Variants in DOCK3 observed in about 807,000 individuals in gnomAD.
The protein encoded by DOCK3 is dedicator of cytokinesis 3.
In DOCK3, 60 loss-of-function variants were observed where a neutral mutation model predicts 265.6. That is an observed-to-expected ratio of 0.23 (90% CI 0.18 to 0.28). DOCK3 has a LOEUF of 0.28. Among genes scored for constraint, DOCK3 ranks in the 10% least tolerant of loss-of-function variants. DOCK3 has a pLI of 1.00. For synonymous variants in DOCK3, 881 were observed against 938.0 expected, an observed-to-expected ratio of 0.94 and a Z score of 1.11; for missense variants, 1,981 against 2,594.3, an observed-to-expected ratio of 0.76 and a Z score of 5.14.
At chr3:51,171,772 C>A (rs2086695498) in intron 12 of DOCK3, among the ~76,000 whole-genome samples, 1 of 150,756 alleles carries the variant, frequency 6.6e-6, no homozygotes, top group Non-Finnish European at 1.5e-5. Context: ...ATTGCTGTAT[C>A]CCGGAAAATG....
intron 9 of DOCK3, among the ~76,000 whole-genome samples, chr3:51,105,984 T>C (rs751409397): frequency 1.2e-4 from 19 of 152,136 alleles, no homozygotes; most frequent in Non-Finnish European, 1.9e-4. Context: ...CAGACACTTA[T>C]GTTGACAGGG....
chr3:51,072,703 C>T (rs536978498), intron 6 of DOCK3, among the ~76,000 whole-genome samples: 2 of 152,038 alleles, frequency 1.3e-5, no homozygotes, highest in South Asian at 4.2e-4. Flanking sequence ...CCATGGCGCT[C>T]AGCTGAAAAC....
chr3:50,685,648 C>CA, intron 1 of DOCK3: 1 of 187,436 alleles, frequency 5.3e-6, no homozygotes, highest in South Asian at 1.3e-4. Flanking sequence ...CACTCTGACA[C>CA]AAAAACCCTG....
chr3:51,296,484 T>G (rs2082085221), intron 27 of DOCK3, among the ~76,000 whole-genome samples: 1 of 151,810 alleles, frequency 6.6e-6, no homozygotes, highest in East Asian at 1.9e-4. Flanking sequence ...AATTGGTTTT[T>G]TTTTTTTTTT....
intron 5 of DOCK3, among the ~76,000 whole-genome samples, chr3:51,016,959 A>T (rs1482852465): frequency 4.3e-4 from 8 of 18,582 alleles, no homozygotes; most frequent in South Asian, 2.0e-3. Flanking sequence ...TAATATATAT[A>T]TTATATATAT....
chr3:51,206,571 AAG>A (rs879720177), intron 12 of DOCK3, among the ~76,000 whole-genome samples: 4 of 152,262 alleles, frequency 2.6e-5, no homozygotes, highest in South Asian at 2.1e-4. Flanking sequence ...TTAAAAAAAA[AAG>A]AGAGAGACGG....
chr3:50,688,756 G>A (rs991991868), intron 1 of DOCK3, among the ~76,000 whole-genome samples: 7 of 152,178 alleles, frequency 4.6e-5, no homozygotes, highest in African/African-American at 1.2e-4. Flanking sequence ...GAGCCACCAT[G>A]CCTGGCCGGT....
At chr3:50,888,566 C>T (rs1353529147) in intron 3 of DOCK3, among the ~76,000 whole-genome samples, 11 of 151,564 alleles carry the variant, frequency 7.3e-5, no homozygotes, top group Non-Finnish European at 1.0e-4. Context: ...AATCCTAAGC[C>T]GAAAGAACAA....
chr3:50,778,927 T>A (rs931641554), intron 2 of DOCK3, among the ~76,000 whole-genome samples, 169 bp downstream of exon 2: 1 of 152,228 alleles, frequency 6.6e-6, no homozygotes, highest in Non-Finnish European at 1.5e-5. Context: ...CATAAAGGTA[T>A]GAGCTTTTTT....
intron 12 of DOCK3, among the ~76,000 whole-genome samples, chr3:51,189,381 C>G (rs2087804145): frequency 6.6e-6 from 1 of 151,996 alleles, no homozygotes; most frequent in Non-Finnish European, 1.5e-5. Context: ...TACATTGTAT[C>G]CAATGTGTAG....
At chr3:50,857,783 T>TA in intron 3 of DOCK3, among the ~76,000 whole-genome samples, 2 of 152,312 alleles carry the variant, frequency 1.3e-5, no homozygotes, top group East Asian at 3.9e-4. Flanking sequence ...AAACAACAGA[T>TA]ACTGGAGAGG....
intron 22 of DOCK3, among the ~76,000 whole-genome samples, chr3:51,247,908 A>G (rs775805223): frequency 6.6e-6 from 1 of 152,266 alleles, no homozygotes; most frequent in Non-Finnish European, 1.5e-5. Context: ...TCAGGTGCCT[A>G]ACACAATATT....
intron 5 of DOCK3, among the ~76,000 whole-genome samples, chr3:50,934,320 C>A (rs1015798842): frequency 1.3e-5 from 2 of 152,122 alleles, no homozygotes; most frequent in Admixed American, 6.5e-5. Flanking sequence ...CACCAGGGAT[C>A]TTAGCTGTCT....
rs753474353 is a variant in DOCK3, at chr3:51,312,873, A to G, written c.3224A>G (p.Tyr1075Cys). The G allele has an allele frequency of 6.2e-6, 10 of 1,610,842 alleles. No homozygotes were observed. The East Asian group carries it at 1.6e-4, about 25-fold the overall frequency. The part of the protein sequence containing the change: ...KYGDMRVMMA[Y>C]ELFSMWQNLG... Reference sequence around the variant, plus strand: ...GGGGACATGCGTGTAATGATGGCCTATGAACTGTTCAGCATGTGGCAGAAT... The same window carrying G: ...GGGGACATGCGTGTAATGATGGCCTGTGAACTGTTCAGCATGTGGCAGAAT... The change falls in exon 31 of 53, where the codon TAT (tyrosine) becomes TGT (cysteine). Residue 1075 changes from tyrosine to cysteine, a missense_variant. Tyr to Cys is a radical substitution (Grantham distance 194). Transcript: ENST00000266037.
intron 24 of DOCK3, among the ~76,000 whole-genome samples, chr3:51,272,232 A>C (rs1576613632): frequency 6.6e-6 from 1 of 152,160 alleles, no homozygotes; most frequent in Middle Eastern, 3.4e-3. Flanking sequence ...CCAGCAAAAC[A>C]ATTATTAGAA....
chr3:51,160,434 G>A, intron 11 of DOCK3, 121 bp from the exon 12 acceptor site: 5 of 1,303,290 alleles, frequency 3.8e-6, no homozygotes, highest in Non-Finnish European at 5.1e-6. Context: ...CAGCCCTGTA[G>A]TCTTCACCTT....
chr3:51,095,376 A>G (rs1347228819), intron 9 of DOCK3, among the ~76,000 whole-genome samples: 1 of 152,150 alleles, frequency 6.6e-6, no homozygotes, highest in Non-Finnish European at 1.5e-5. Context: ...ATCTCTCAGC[A>G]ATTGCTTGTC....
intron 32 of DOCK3, among the ~76,000 whole-genome samples, chr3:51,325,771 A>G (rs1054437077): frequency 2.6e-5 from 4 of 152,226 alleles, no homozygotes; most frequent in Admixed American, 6.5e-5. Flanking sequence ...AGGGACATGT[A>G]TGAAGCTGGA....
chr3:51,180,219 A>AC (rs1266258265), intron 12 of DOCK3, among the ~76,000 whole-genome samples: 1 of 148,730 alleles, frequency 6.7e-6, no homozygotes, highest in Non-Finnish European at 1.5e-5. Context: ...AAAAAAAAAA[A>AC]AAAAAAACAC....
Sources: gnomAD v4.1 joint callset for allele counts (sites outside exome capture counted in the v4.1 genomes callset) on GRCh38, gnomAD v4.1.1 for gene constraint, MANE v1.5 for transcripts, NCBI Gene and HGNC (gene_info 2026-07-23, HGNC 2026-07-21) for gene names.